The following SLC22A2 variants were observed in gnomAD, a reference collection of about 807,000 sequenced individuals.
The protein encoded by SLC22A2 is solute carrier family 22 member 2, also known as organic cation transporter 2.
SLC22A2 carries 46 observed loss-of-function variants against 60.5 expected under a neutral mutation model. That is an observed-to-expected ratio of 0.76 (90% CI 0.60 to 0.97). SLC22A2 has a LOEUF of 0.97. Among genes scored for constraint, SLC22A2 ranks in the 50% least tolerant of loss-of-function variants. SLC22A2 has a pLI of 0.00. For missense variants in SLC22A2, 701 were observed against 706.6 expected (o/e 0.99, Z 0.09); for synonymous variants, 303 against 267.0 (o/e 1.13, Z -1.31).
chr6:160,239,226 C>T (rs920554165), intron 9 of SLC22A2, among the ~76,000 whole-genome samples: 3 of 152,146 alleles, frequency 2.0e-5, no homozygotes, highest in Admixed American at 6.5e-5. Flanking sequence ...CCGGAAGTCA[C>T]CCTATATAGT....
In SLC22A2 at chr6:160,247,270, T is replaced by C. The variant is rs749944636; in HGVS notation, c.871A>G (p.Ile291Val). 2 of 1,612,916 alleles carry C rather than the reference T, an allele frequency of 1.2e-6. No individual in the cohort carries two copies. The highest frequency in any genetic ancestry group is 1.7e-6 in the Non-Finnish European group (2 of 1,178,904). ...GCTTCAGCATTCTTATTCTGGGAGA[T>C]CAGCCACCTGGGAGACTCAGGTATG... ...WCIPESPRWL[I>V]SQNKNAEAMR... Residue 291 changes from isoleucine to valine, a missense_variant, in exon 5 of 11, where the codon ATC becomes GTC. Transcript: ENST00000366953.
intron 9 of SLC22A2, among the ~76,000 whole-genome samples, chr6:160,232,696 TA>T (rs1256836912): frequency 2.6e-5 from 4 of 151,806 alleles, no homozygotes; most frequent in Non-Finnish European, 4.4e-5. Context: ...ATAAGGTAGC[TA>T]AAAAAGCAGC....
At chr6:160,249,135 A>G (rs1322653611) in intron 4 of SLC22A2, 81 bp downstream of exon 4, 2 of 921,620 alleles carry the variant, frequency 2.2e-6, no homozygotes, top group Non-Finnish European at 3.3e-6. Context: ...AATCAGAAAG[A>G]TAGTGTGCAT....
chr6:160,257,461 G>T (rs638360), intron 1 of SLC22A2, among the ~76,000 whole-genome samples: 108,450 of 151,820 alleles, frequency 0.71, 40,093 homozygotes, highest in East Asian at 0.87. Flanking sequence ...CTCTGCTTGG[G>T]GCCTCAGTTT....
In SLC22A2 at chr6:160,258,752, G is replaced by T. The variant is rs1323493560; in HGVS notation, c.6C>A (p.Pro2=). The change falls in exon 1 of 11, where the codon CCC becomes CCA. Residue 2 remains proline, a synonymous_variant. Transcript: ENST00000366953. M[P]TTVDDVLEHG... ...GCTCCAGGACATCGTCCACGGTGGTGGGCATGATCCTGCAGGCAGGAGGGC... is the reference window on the plus strand; with the variant it reads ...GCTCCAGGACATCGTCCACGGTGGTTGGCATGATCCTGCAGGCAGGAGGGC... 6.5e-7 allele frequency: 1 copy of T among 1,548,936 alleles called. No individual in the cohort carries two copies. The highest frequency in any genetic ancestry group is 1.9e-5 in the Admixed American group (1 of 53,904).
intron 10 of SLC22A2, among the ~76,000 whole-genome samples, chr6:160,219,612 T>C (rs1250143943): frequency 2.0e-5 from 3 of 151,950 alleles, no homozygotes; most frequent in African/African-American, 7.3e-5. Context: ...TTTTTTTTTT[T>C]TTCCAGTTGT....
Position 160,236,632 on chromosome 6 carries a change from C to T in SLC22A2, c.1501+4842G>A, listed in dbSNP as rs372267888. On this transcript the variant is annotated intron_variant, in intron 9 of 10. Coordinates refer to ENST00000366953, the MANE Select transcript of SLC22A2 (RefSeq NM_003058.4). The stretch of plus-strand genomic sequence containing the variant: ...CCAAGGCTTTGACTGGAATGTTGTG[C>T]TTTCCTTTAAGAAATCAAACTTAAC... Among the ~76,000 whole-genome samples, 4 of 101,868 alleles carry T rather than the reference C, an allele frequency of 3.9e-5. No individual in the cohort carries two copies. The East Asian group carries it at 1.0e-3, about 25-fold the overall frequency. 66.8% of individuals were successfully genotyped at this position (101,868 alleles called of 152,430 possible).
At chr6:160,229,282 C>G (rs1782778976) in intron 9 of SLC22A2, among the ~76,000 whole-genome samples, 1 of 151,944 alleles carries the variant, frequency 6.6e-6, no homozygotes. Flanking sequence ...CACCACACTT[C>G]AATCTCTCCC....
chr6:160,249,088 T>C, intron 4 of SLC22A2, 128 bp downstream of exon 4: 1 of 574,054 alleles, frequency 1.7e-6, no homozygotes, highest in Non-Finnish European at 2.9e-6. Flanking sequence ...AATTGGGCTC[T>C]TTGTGAAATG....
intron 9 of SLC22A2, among the ~76,000 whole-genome samples, chr6:160,231,750 C>A (rs1379435815): frequency 6.6e-6 from 1 of 151,818 alleles, no homozygotes; most frequent in Admixed American, 6.6e-5. Context: ...ATAAACCTAG[C>A]TGACCCCATA....
intron 3 of SLC22A2, among the ~76,000 whole-genome samples, chr6:160,250,326 G>A (rs1427238736): frequency 6.6e-6 from 1 of 152,110 alleles, no homozygotes; most frequent in Non-Finnish European, 1.5e-5. Flanking sequence ...AATCTGGGTG[G>A]CATTATGTTT....
chr6:160,224,325 G>C (rs947388743), intron 10 of SLC22A2, among the ~76,000 whole-genome samples: 1 of 148,474 alleles, frequency 6.7e-6, no homozygotes, highest in Non-Finnish European at 1.5e-5. Flanking sequence ...CGCTTTTATG[G>C]AATTGTTAGG....
chr6:160,237,113 G>A (rs4332006), intron 9 of SLC22A2, among the ~76,000 whole-genome samples: 2 of 152,168 alleles, frequency 1.3e-5, no homozygotes, highest in African/African-American at 4.8e-5. Context: ...GTTGTTTTAA[G>A]CTTTTCTTCC....
At chr6:160,219,656 A>G (rs538197195) in intron 10 of SLC22A2, among the ~76,000 whole-genome samples, 51 of 150,832 alleles carry the variant, frequency 3.4e-4, no homozygotes, top group Middle Eastern at 6.8e-3. Context: ...CCTATTTCAT[A>G]GGGTTGCTGC....
chr6:160,230,064 C>T (rs528291761), intron 9 of SLC22A2, among the ~76,000 whole-genome samples: 4 of 151,946 alleles, frequency 2.6e-5, no homozygotes, highest in Admixed American at 2.6e-4. Context: ...AGTCCCAACC[C>T]TAATCATCAC....
intron 6 of SLC22A2, chr6:160,245,159 A>C (rs1783069607): frequency 4.4e-6 from 1 of 226,410 alleles, no homozygotes; most frequent in South Asian, 1.6e-4. Flanking sequence ...CAATTAAATC[A>C]GTATTTCTGG....
At chr6:160,247,082 G>A in intron 5 of SLC22A2, 102 bp downstream of exon 5, 1 of 689,172 alleles carries the variant, frequency 1.5e-6, no homozygotes, top group Non-Finnish European at 2.6e-6. Context: ...CAAGGGGGTG[G>A]GTGCTTCCAT....
intron 9 of SLC22A2, among the ~76,000 whole-genome samples, chr6:160,226,117 C>T (rs532003473): frequency 6.6e-6 from 1 of 152,310 alleles, no homozygotes; most frequent in African/African-American, 2.4e-5. Flanking sequence ...TTTGCAGACC[C>T]TGCACTCAGT....
chr6:160,251,775 T>C (rs1783189640), intron 2 of SLC22A2, among the ~76,000 whole-genome samples: 1 of 152,258 alleles, frequency 6.6e-6, no homozygotes, highest in Non-Finnish European at 1.5e-5. Context: ...GATGCTTTTA[T>C]TATTATGCAA....
Sources: allele counts gnomAD v4.1 joint callset (sites outside exome capture counted in the v4.1 genomes callset), GRCh38; gene constraint gnomAD v4.1.1; transcripts MANE v1.5; gene names NCBI Gene and HGNC (gene_info 2026-07-23, HGNC 2026-07-21).